DSCAM: variants seen among roughly 807,000 people sequenced by gnomAD.
The protein encoded by DSCAM is DS cell adhesion molecule.
A neutral mutation model predicts 217.7 loss-of-function variants in DSCAM; 47 were observed. That is an observed-to-expected ratio of 0.22 (90% confidence interval 0.17 to 0.28). The LOEUF is 0.28. Among genes scored for constraint, DSCAM ranks in the 10% least tolerant of loss-of-function variants. The pLI is 1.00. For missense variants in DSCAM, 2,080 were observed against 2,618.3 expected, an observed-to-expected ratio of 0.79 and a Z score of 4.49; for synonymous variants, 1,056 against 1,015.3, an observed-to-expected ratio of 1.04 and a Z score of -0.76.
At chr21:40,715,676 T>C (rs1312407516) in intron 1 of DSCAM, among the ~76,000 whole-genome samples, 1 of 152,200 alleles carries the variant, frequency 6.6e-6, no homozygotes, top group African/African-American at 2.4e-5. Flanking sequence ...CAAATAAAAA[T>C]GCTGATAGTA....
intron 3 of DSCAM, among the ~76,000 whole-genome samples, chr21:40,688,827 G>A (rs900029207): frequency 6.6e-6 from 1 of 152,182 alleles, no homozygotes; most frequent in African/African-American, 2.4e-5. Flanking sequence ...GTAGAATTAT[G>A]GGATTTCTAC....
At chr21:40,430,265 T>C (rs976536886) in intron 3 of DSCAM, among the ~76,000 whole-genome samples, 12 of 152,220 alleles carry the variant, frequency 7.9e-5, no homozygotes, top group Non-Finnish European at 1.3e-4. Flanking sequence ...GAGTGTCAAC[T>C]TGATTGGATT....
rs138728162 is a variant in DSCAM, at chr21:40,204,771, G to C, written c.2357-15533C>G. ...GTAGTATTAATGATACAAAGAGATGGAGGTCGTATCCTAGCTTTCGAGTAA... is the reference window on the plus strand; with the variant it reads ...GTAGTATTAATGATACAAAGAGATGCAGGTCGTATCCTAGCTTTCGAGTAA... On this transcript the variant is annotated intron_variant, in intron 11 of 32. Transcript: ENST00000400454. Among the ~76,000 whole-genome samples, 4 of 152,312 alleles carry C rather than the reference G, an allele frequency of 2.6e-5. No individual in the cohort carries two copies. In the East Asian group the frequency reaches 7.7e-4, roughly 29 times the overall value.
intron 3 of DSCAM, among the ~76,000 whole-genome samples, chr21:40,475,276 G>GT (rs2075924035): frequency 6.6e-6 from 1 of 152,200 alleles, no homozygotes; most frequent in Non-Finnish European, 1.5e-5. Flanking sequence ...ATTCAGGCCA[G>GT]TGCCCTTCAG....
At chr21:40,413,303 T>C (rs2075340269) in intron 3 of DSCAM, among the ~76,000 whole-genome samples, 1 of 152,114 alleles carries the variant, frequency 6.6e-6, no homozygotes, top group South Asian at 2.1e-4. Context: ...ACAACTTGCA[T>C]CATGCATCTG....
intron 11 of DSCAM, among the ~76,000 whole-genome samples, chr21:40,240,373 T>TTTTTTC (rs35999054): frequency 7.2e-6 from 1 of 138,618 alleles, no homozygotes; most frequent in Non-Finnish European, 1.5e-5. Flanking sequence ...TTTTTTTTTT[T>TTTTTTC]GCCTCCTTTT....
chr21:40,355,194 G>T (rs754739665), intron 4 of DSCAM, among the ~76,000 whole-genome samples: 5 of 152,160 alleles, frequency 3.3e-5, no homozygotes, highest in Non-Finnish European at 7.3e-5. Context: ...TGAAGTCCAC[G>T]TGCTATGGGT....
At chr21:40,543,444 A>G (rs924675940) in intron 3 of DSCAM, among the ~76,000 whole-genome samples, 1 of 152,194 alleles carries the variant, frequency 6.6e-6, no homozygotes, top group Admixed American at 6.5e-5. Flanking sequence ...CCAGAACCAG[A>G]ATCTGGGGTA....
At chr21:40,323,338 C>A (rs2074281252) in intron 8 of DSCAM, among the ~76,000 whole-genome samples, 1 of 152,176 alleles carries the variant, frequency 6.6e-6, no homozygotes, top group African/African-American at 2.4e-5. Flanking sequence ...CCATTAATAA[C>A]AAAACCAGGT....
At chr21:40,180,234 T>C (rs1429996598) in intron 14 of DSCAM, among the ~76,000 whole-genome samples, 1 of 152,210 alleles carries the variant, frequency 6.6e-6, no homozygotes, top group East Asian at 1.9e-4. Flanking sequence ...TTTGTCACAC[T>C]AAGGGTGAGT....
intron 11 of DSCAM, among the ~76,000 whole-genome samples, chr21:40,245,980 A>G (rs1280892199): frequency 6.6e-6 from 1 of 151,820 alleles, no homozygotes; most frequent in East Asian, 1.9e-4. Context: ...CTTTTAAACT[A>G]CCCATCAGAT....
At position 40,838,007 on chromosome 21, in the gene DSCAM, C is replaced by T. The variant is rs139341790; in HGVS notation, c.43+8612G>A. Among the ~76,000 whole-genome samples the T allele has an allele frequency of 9.4e-4, 143 of 152,218 alleles. 1 individual carries two copies. Among genetic ancestry groups the T allele is most frequent in the Non-Finnish European group, 3.4e-4 (23 of 68,022 alleles). On this transcript the variant is annotated intron_variant, in intron 1 of 32. Coordinates refer to ENST00000400454, the MANE Select transcript of DSCAM (RefSeq NM_001389.5). ...AACCCAAGATCAAATCACACCACAGCGGGGCTAACTGTGAAAAGAATTGAA... is the reference window on the plus strand; with the variant it reads ...AACCCAAGATCAAATCACACCACAGTGGGGCTAACTGTGAAAAGAATTGAA...
intron 16 of DSCAM, among the ~76,000 whole-genome samples, chr21:40,158,937 AT>A: frequency 6.6e-6 from 1 of 152,366 alleles, no homozygotes; most frequent in African/African-American, 2.4e-5. Context: ...GTTATGGGCT[AT>A]CTTGAAATAG....
chr21:40,322,527 T>G (rs891239938), intron 8 of DSCAM, among the ~76,000 whole-genome samples: 8 of 152,092 alleles, frequency 5.3e-5, no homozygotes, highest in Non-Finnish European at 4.4e-5. Context: ...AGCAATTTTT[T>G]TTTTTTTGGA....
chr21:40,226,796 G>GCAGGTA (rs781559833), intron 11 of DSCAM, among the ~76,000 whole-genome samples: 103 of 152,080 alleles, frequency 6.8e-4, no homozygotes, highest in Admixed American at 1.2e-3. Flanking sequence ...CATTTATTAT[G>GCAGGTA]CAGGTAAACT....
At chr21:40,080,078 C>G in intron 25 of DSCAM, 74 bp downstream of exon 25, 1 of 1,278,676 alleles carries the variant, frequency 7.8e-7, no homozygotes, top group Non-Finnish European at 1.1e-6. Flanking sequence ...CATGATGGAT[C>G]TTTTATGATT....
At chr21:40,214,076 A>T (rs2091214767) in intron 11 of DSCAM, among the ~76,000 whole-genome samples, 2 of 152,226 alleles carry the variant, frequency 1.3e-5, no homozygotes, top group South Asian at 4.1e-4. Context: ...GAAGCGAGAC[A>T]TCAGGCAATG....
chr21:40,186,745 G>A (rs7280430), intron 14 of DSCAM, among the ~76,000 whole-genome samples: 73 of 152,280 alleles, frequency 4.8e-4, no homozygotes, highest in African/African-American at 1.5e-3. Flanking sequence ...TGCAGGACAT[G>A]GGCTCAGGCT....
At chr21:40,261,735 A>T (rs1008576547) in intron 11 of DSCAM, among the ~76,000 whole-genome samples, 13 of 152,014 alleles carry the variant, frequency 8.6e-5, no homozygotes, top group African/African-American at 3.1e-4. Flanking sequence ...AGATATAAAT[A>T]TGTATGCTAA....
Sources: gnomAD v4.1 joint callset for allele counts (sites outside exome capture counted in the v4.1 genomes callset) on GRCh38, gnomAD v4.1.1 for gene constraint, MANE v1.5 for transcripts, NCBI Gene and HGNC (gene_info 2026-07-23, HGNC 2026-07-21) for gene names.